The following PKNOX1 variants were observed in gnomAD, a reference collection of about 807,000 sequenced individuals.
PKNOX1 encodes homeobox protein PKNOX1.
A neutral mutation model predicts 51.9 loss-of-function variants in PKNOX1; 15 were observed. The ratio of observed to expected loss-of-function variants is 0.29; its 90% CI spans 0.19 to 0.45. PKNOX1 has a LOEUF of 0.45. Among genes scored for constraint, PKNOX1 ranks in the 20% least tolerant of loss-of-function variants. The probability of loss-of-function intolerance (pLI) is 1.00; values close to 1 mark genes in which losing one functional copy is unlikely to be tolerated. For missense variants in PKNOX1, 462 were observed against 547.5 expected (o/e 0.84, Z 1.56); for synonymous variants, 219 against 211.1 (o/e 1.04, Z -0.32).
rs564145127 is a variant in PKNOX1 at position 43,007,361 on chromosome 21, A to C, written c.52-130A>C. On this transcript the variant is annotated intron_variant, in intron 2 of 10. Transcript: ENST00000291547. Reference sequence around the variant, plus strand: ...AATTCAAAGCTGTTTTGTTGGTAGCATTCTTTACATATGATTGCAGTCATA... The same window carrying C: ...AATTCAAAGCTGTTTTGTTGGTAGCCTTCTTTACATATGATTGCAGTCATA... The C allele has an allele frequency of 9.0e-5, 72 of 801,148 alleles. 1 individual carries two copies. In the East Asian group the frequency reaches 1.7e-3, roughly 19 times the overall value. The allele number at this position is 801,148 out of a possible 1,614,324, so 49.6% of individuals were successfully genotyped here. A position where few individuals can be genotyped will look rare whatever the true frequency, so the allele number is the denominator to read the frequency against.
At chr21:43,008,617 A>G (rs1387329323) in intron 3 of PKNOX1, among the ~76,000 whole-genome samples, 3 of 152,066 alleles carry the variant, frequency 2.0e-5, no homozygotes, top group Non-Finnish European at 4.4e-5. Context: ...GTCTCTACCA[A>G]AAAATACAAA....
Position 43,029,900 on chromosome 21 carries a change from C to G in PKNOX1, c.1110C>G (p.Val370=), listed in dbSNP as rs748319269. ...SELTMSEGAV[V]TITTPVNMNV... is the part of the protein sequence containing the mutation. ...TTCATCCTGCCGCAGGAGCTGTTGT[C>G]ACCATCACCACGCCCGTGAACATGA... Residue 370 remains valine, a synonymous_variant, in exon 11 of 11, where the codon GTC becomes GTG. Coordinates refer to ENST00000291547, the MANE Select transcript of PKNOX1 (RefSeq NM_004571.5). 1 of 1,613,502 alleles carries G rather than the reference C, an allele frequency of 6.2e-7. No homozygotes were observed. The highest frequency in any genetic ancestry group is 8.5e-7 in the Non-Finnish European group (1 of 1,179,550).
Position 43,030,842 on chromosome 21 carries a change from G to C in PKNOX1, c.*741G>C, listed in dbSNP as rs1005535682. On this transcript the variant is annotated 3_prime_UTR_variant, in exon 11 of 11. Transcript: ENST00000291547. ...ACCAAATTTAATGAACCTGCCCAAAGTTAGCTACCGTTCCATGGTTCTTTG... is the reference window on the plus strand; with the variant it reads ...ACCAAATTTAATGAACCTGCCCAAACTTAGCTACCGTTCCATGGTTCTTTG... The C allele has an allele frequency of 1.3e-5, 2 of 152,174 alleles. No individual in the cohort carries two copies. Among genetic ancestry groups the C allele is most frequent in the Non-Finnish European group, 2.9e-5 (2 of 68,024 alleles). The allele number at this position is 152,174 out of a possible 1,614,324, so 9.4% of individuals were successfully genotyped here. A position where few individuals can be genotyped will look rare whatever the true frequency, so the allele number is the denominator to read the frequency against.
At chr21:43,001,771 T>C (rs964569288) in intron 1 of PKNOX1, among the ~76,000 whole-genome samples, 1 of 151,854 alleles carries the variant, frequency 6.6e-6, no homozygotes, top group African/African-American at 2.4e-5. Context: ...CCGTCCTGGC[T>C]AACATGGTGA....
At chr21:43,011,692 G>A (rs943948217) in intron 4 of PKNOX1, among the ~76,000 whole-genome samples, 2 of 152,224 alleles carry the variant, frequency 1.3e-5, no homozygotes, top group African/African-American at 4.8e-5. Context: ...ACCCTGGTTA[G>A]GGCCTTCAAC....
intron 1 of PKNOX1, among the ~76,000 whole-genome samples, chr21:42,984,493 A>G (rs919701312): frequency 2.6e-5 from 4 of 151,762 alleles, no homozygotes; most frequent in South Asian, 2.1e-4. Context: ...GGTTCAAGCA[A>G]TTCTCCTGCC....
At chr21:43,008,069 A>ACACACACACAC (rs1568897464) in intron 3 of PKNOX1, among the ~76,000 whole-genome samples, 1 of 149,328 alleles carries the variant, frequency 6.7e-6, no homozygotes, top group East Asian at 1.9e-4. Flanking sequence ...TGTCACACAC[A>ACACACACACAC]CACACACACA....
intron 1 of PKNOX1, among the ~76,000 whole-genome samples, chr21:42,988,933 C>G (rs1367333752): frequency 7.4e-6 from 1 of 135,574 alleles, no homozygotes; most frequent in Non-Finnish European, 1.5e-5. Flanking sequence ...TCTTTGGCTT[C>G]TCAGGCTGGG....
chr21:43,014,834 G>A (rs1016365495), intron 5 of PKNOX1, among the ~76,000 whole-genome samples: 5 of 152,204 alleles, frequency 3.3e-5, no homozygotes, highest in African/African-American at 1.2e-4. Context: ...TTTCAAAATT[G>A]TTTAGCTGTT....
chr21:43,029,796 T>C, intron 10 of PKNOX1, 94 bp from the exon 11 acceptor site: 1 of 1,049,368 alleles, frequency 9.5e-7, no homozygotes, highest in Non-Finnish European at 1.4e-6. Flanking sequence ...TATTTTAACT[T>C]TAGGTCAAAC....
At chr21:42,980,100 C>A (rs1004468354) in intron 1 of PKNOX1, among the ~76,000 whole-genome samples, 3 of 152,142 alleles carry the variant, frequency 2.0e-5, no homozygotes, top group African/African-American at 7.2e-5. Flanking sequence ...AGGCCAGGTG[C>A]GGTGGCTCAC....
chr21:43,017,915 A>G (rs1979563530), intron 6 of PKNOX1: 3 of 455,254 alleles, frequency 6.6e-6, no homozygotes, highest in East Asian at 7.4e-5. Flanking sequence ...TTTTGTAAGT[A>G]TATCAAGAAG....
chr21:42,980,650 T>G (rs1349561629), intron 1 of PKNOX1, among the ~76,000 whole-genome samples: 1 of 152,206 alleles, frequency 6.6e-6, no homozygotes, highest in Non-Finnish European at 1.5e-5. Context: ...CAAATTATTT[T>G]GAAATACAGT....
At chr21:42,975,587 C>T (rs2058991352) in intron 1 of PKNOX1, among the ~76,000 whole-genome samples, 1 of 152,246 alleles carries the variant, frequency 6.6e-6, no homozygotes, top group South Asian at 2.1e-4. Flanking sequence ...TCGTGGCTCT[C>T]GAAATGCCTT....
chr21:43,025,410 G>T lies in PKNOX1; in HGVS notation c.926+463G>T, dbSNP rs142096051. ...GATGGTGGGAGGCCAAGAGTGAGAG[G>T]TCCTGCCCCATGAGGGGACCCTCTG... On this transcript the variant is annotated intron_variant, in intron 9 of 10. Transcript: ENST00000291547. Among the ~76,000 whole-genome samples the T allele has an allele frequency of 3.3e-3, 501 of 152,306 alleles. 2 individuals carry two copies. Among genetic ancestry groups the T allele is most frequent in the African/African-American group, 0.012 (485 of 41,564 alleles).
At chr21:42,976,549 C>T (rs1198027945) in intron 1 of PKNOX1, among the ~76,000 whole-genome samples, 1 of 152,250 alleles carries the variant, frequency 6.6e-6, no homozygotes, top group Non-Finnish European at 1.5e-5. Context: ...TTCTCAAACT[C>T]TGCCACTGCT....
chr21:42,988,389 G>T (rs568526589), intron 1 of PKNOX1, among the ~76,000 whole-genome samples: 1 of 152,256 alleles, frequency 6.6e-6, no homozygotes, highest in South Asian at 2.1e-4. Flanking sequence ...AGTTGGTCTG[G>T]ATCTAAATGG....
chr21:43,009,482 TGCCTGTAGTC>T (rs1444046479), intron 3 of PKNOX1, among the ~76,000 whole-genome samples: 1 of 150,010 alleles, frequency 6.7e-6, no homozygotes, highest in Non-Finnish European at 1.5e-5. Context: ...TCATGGCGGG[TGCCTGTAGTC>T]CCGGCTACTT....
chr21:42,982,853 A>C (rs1267203222), intron 1 of PKNOX1, among the ~76,000 whole-genome samples: 1 of 151,854 alleles, frequency 6.6e-6, no homozygotes, highest in East Asian at 1.9e-4. Context: ...TCTGTTGCCC[A>C]GGCTGGAGTG....
Sources: gnomAD v4.1 joint callset for allele counts (sites outside exome capture counted in the v4.1 genomes callset) on GRCh38, gnomAD v4.1.1 for gene constraint, MANE v1.5 for transcripts, NCBI Gene and HGNC (gene_info 2026-07-23, HGNC 2026-07-21) for gene names.